Variants in LSM12 observed in about 807,000 individuals in gnomAD.
LSM12 encodes LSM12 homolog.
For synonymous variants in LSM12, 74 were observed against 87.3 expected, an observed-to-expected ratio of 0.85 and a Z score of 0.85; for missense variants, 108 against 238.9, an observed-to-expected ratio of 0.45 and a Z score of 3.61.
intron 2 of LSM12, among the ~76,000 whole-genome samples, chr17:44,063,101 A>G (rs918953381): frequency 6.6e-6 from 1 of 151,978 alleles, no homozygotes. Context: ...GCTCCAATAA[A>G]AAGAAAGACT....
At chr17:44,045,219 G>C (rs1350341249) in intron 2 of LSM12, among the ~76,000 whole-genome samples, 1 of 151,950 alleles carries the variant, frequency 6.6e-6, no homozygotes, top group African/African-American at 2.4e-5. Context: ...GTAGAGACAG[G>C]GGTTCACCAT....
At chr17:44,049,821 A>G (rs908554759) in intron 2 of LSM12, among the ~76,000 whole-genome samples, 7 of 152,176 alleles carry the variant, frequency 4.6e-5, no homozygotes, top group Non-Finnish European at 1.0e-4. Flanking sequence ...AACAAGGGAA[A>G]CAGAGAAGCC....
intron 1 of LSM12, 91 bp downstream of exon 1, chr17:44,066,371 GGA>G: frequency 6.8e-7 from 1 of 1,463,452 alleles, no homozygotes; most frequent in Admixed American, 2.3e-5. Flanking sequence ...CCCTAGGCCC[GGA>G]GAGAGCCCCA....
chr17:44,054,946 C>G (rs2049692102), intron 2 of LSM12, among the ~76,000 whole-genome samples: 1 of 151,700 alleles, frequency 6.6e-6, no homozygotes, highest in Admixed American at 6.6e-5. Flanking sequence ...TCAAGTGATT[C>G]TCCTGTCTCA....
intron 2 of LSM12, 27 bp downstream of exon 2, chr17:44,063,774 G>A (rs1283601158): frequency 3.1e-6 from 5 of 1,599,750 alleles, no homozygotes; most frequent in Middle Eastern, 2.0e-4. Flanking sequence ...CCATTTTAGA[G>A]AGCCAGATCT....
Position 44,063,890 on chromosome 17 carries a change from G to A in LSM12, c.169C>T (p.Leu57Phe). 1 of 1,613,898 alleles carries A rather than the reference G, an allele frequency of 6.2e-7. No individual in the cohort carries two copies. Among genetic ancestry groups the A allele is most frequent in the Non-Finnish European group, 8.5e-7 (1 of 1,179,962 alleles). ...SGKPNHADIL[L>F]INLQYVSEVE... ...TCTGAAACATACTGTAAGTTTATGAGCAAGATGTCTGCATGGTTGGGCTTT... is the reference window on the plus strand; with the variant it reads ...TCTGAAACATACTGTAAGTTTATGAACAAGATGTCTGCATGGTTGGGCTTT... The change falls in exon 2 of 5, where the codon CTC becomes TTC. Residue 57 changes from leucine to phenylalanine, a missense_variant. Leu to Phe is a conservative substitution (Grantham distance 22). Coordinates refer to ENST00000293406, the MANE Select transcript of LSM12 (RefSeq NM_001371445.1).
chr17:44,045,572 T>C (rs2049551855), intron 2 of LSM12, among the ~76,000 whole-genome samples: 1 of 152,184 alleles, frequency 6.6e-6, no homozygotes, highest in Non-Finnish European at 1.5e-5. Context: ...TTTCCAGTTT[T>C]GTTTTTTGTG....
chr17:44,051,055 C>T (rs1408474925), intron 2 of LSM12, among the ~76,000 whole-genome samples: 2 of 152,028 alleles, frequency 1.3e-5, no homozygotes, highest in Non-Finnish European at 2.9e-5. Context: ...GGGCGGATCA[C>T]GAGGTCAAGA....
chr17:44,058,683 T>C (rs903577180), intron 2 of LSM12, among the ~76,000 whole-genome samples: 1 of 151,936 alleles, frequency 6.6e-6, no homozygotes, highest in Non-Finnish European at 1.5e-5. Context: ...ATACAAAAAA[T>C]TAGCCAGGCA....
intron 2 of LSM12, among the ~76,000 whole-genome samples, chr17:44,047,629 C>T (rs993686205): frequency 6.6e-6 from 1 of 152,052 alleles, no homozygotes; most frequent in Non-Finnish European, 1.5e-5. Flanking sequence ...CTGGCATAAT[C>T]ATGGCTCACT....
At chr17:44,040,081 T>C (rs574614341) in intron 3 of LSM12, 66 bp downstream of exon 3, 1 of 1,264,220 alleles carries the variant, frequency 7.9e-7, no homozygotes, top group African/African-American at 1.5e-5. Context: ...CCCAAAAGCC[T>C]GCCACCAGAC....
chr17:44,064,694 C>G (rs2049846373), intron 1 of LSM12, among the ~76,000 whole-genome samples: 1 of 148,740 alleles, frequency 6.7e-6, no homozygotes, highest in African/African-American at 2.5e-5. Context: ...GATGGTGCCA[C>G]TGCACTCCAG....
chr17:44,053,909 G>A (rs955946829), intron 2 of LSM12, among the ~76,000 whole-genome samples: 1 of 152,082 alleles, frequency 6.6e-6, no homozygotes, highest in African/African-American at 2.4e-5. Context: ...AAAAGTTTTA[G>A]TTAGAATACT....
At chr17:44,038,207 A>T (rs2049440175) in intron 3 of LSM12, among the ~76,000 whole-genome samples, 1 of 152,002 alleles carries the variant, frequency 6.6e-6, no homozygotes, top group Admixed American at 6.6e-5. Flanking sequence ...ACAAAAAATT[A>T]GCCGGTAGTG....
chr17:44,037,309 G>A (rs1327690286), intron 4 of LSM12, 103 bp downstream of exon 4: 2 of 1,348,488 alleles, frequency 1.5e-6, no homozygotes, highest in Non-Finnish European at 2.0e-6. Flanking sequence ...TCTGCTGCTA[G>A]AGGAGGCAGA....
chr17:44,063,691 T>G, intron 2 of LSM12, 110 bp downstream of exon 2: 1 of 1,251,470 alleles, frequency 8.0e-7, no homozygotes, highest in Non-Finnish European at 1.1e-6. Context: ...AACAAACAAT[T>G]TTAAGTCAAT....
At chr17:44,049,187 T>C (rs2049610254) in intron 2 of LSM12, among the ~76,000 whole-genome samples, 1 of 151,970 alleles carries the variant, frequency 6.6e-6, no homozygotes, top group Non-Finnish European at 1.5e-5. Context: ...ACTCTGTCTT[T>C]AAAAAACAAC....
chr17:44,053,677 T>G (rs987612483), intron 2 of LSM12, among the ~76,000 whole-genome samples: 1 of 152,180 alleles, frequency 6.6e-6, no homozygotes, highest in Non-Finnish European at 1.5e-5. Context: ...AACAGCACAG[T>G]TGGAAAAACA....
intron 2 of LSM12, among the ~76,000 whole-genome samples, chr17:44,054,080 A>G (rs1343028071): frequency 6.6e-6 from 1 of 152,138 alleles, no homozygotes; most frequent in Non-Finnish European, 1.5e-5. Flanking sequence ...TCTTTTCAGG[A>G]GGACAACAAT....
Sources: gnomAD v4.1 joint callset for allele counts (sites outside exome capture counted in the v4.1 genomes callset) on GRCh38, gnomAD v4.1.1 for gene constraint, MANE v1.5 for transcripts, NCBI Gene and HGNC (gene_info 2026-07-23, HGNC 2026-07-21) for gene names.